The following DCLK1 variants were observed in gnomAD, a reference collection of about 807,000 sequenced individuals.
The protein encoded by DCLK1 is serine/threonine-protein kinase DCLK1.
DCLK1 carries 16 observed loss-of-function variants against 86.2 expected under a neutral mutation model. The ratio of observed to expected loss-of-function variants is 0.19; its 90% CI spans 0.13 to 0.28. The LOEUF (loss-of-function observed/expected upper bound fraction) is 0.28, where lower values mean the gene tolerates loss of function less well. Among genes scored for constraint, DCLK1 ranks in the 10% least tolerant of loss-of-function variants. The probability of loss-of-function intolerance (pLI) is 1.00; values close to 1 mark genes in which losing one functional copy is unlikely to be tolerated. For missense variants in DCLK1, 590 were observed against 940.2 expected, an observed-to-expected ratio of 0.63 and a Z score of 4.87; for synonymous variants, 369 against 370.5, an observed-to-expected ratio of 1.00 and a Z score of 0.05.
chr13:35,940,220 C>CA (rs35918536), intron 4 of DCLK1, among the ~76,000 whole-genome samples: 45,300 of 97,702 alleles, frequency 0.46, 9,939 homozygotes, highest in African/African-American at 0.65. Flanking sequence ...GAGTCTGTCT[C>CA]AAAAAAAAAA....
chr13:35,776,717 G>A (rs1023313656), intron 16 of DCLK1, among the ~76,000 whole-genome samples: 2 of 152,196 alleles, frequency 1.3e-5, no homozygotes, highest in Non-Finnish European at 2.9e-5. Flanking sequence ...TTAAAATCAA[G>A]TAACTGCAGG....
chr13:35,910,285 T>C (rs1874936866), intron 4 of DCLK1, among the ~76,000 whole-genome samples: 1 of 152,214 alleles, frequency 6.6e-6, no homozygotes, highest in Admixed American at 6.5e-5. Flanking sequence ...GAGGAGACAT[T>C]GTTACATCTT....
At chr13:35,825,806 G>A (rs926405908) in intron 10 of DCLK1, among the ~76,000 whole-genome samples, 1 of 125,192 alleles carries the variant, frequency 8.0e-6, no homozygotes, top group Non-Finnish European at 1.7e-5. Flanking sequence ...AAATGAAATC[G>A]ACTTTTCTTT....
chr13:36,030,645 C>G (rs1882232997), intron 3 of DCLK1, among the ~76,000 whole-genome samples: 1 of 151,908 alleles, frequency 6.6e-6, no homozygotes, highest in African/African-American at 2.4e-5. Flanking sequence ...TAGTACTTGA[C>G]CATTAGGGAA....
intron 3 of DCLK1, among the ~76,000 whole-genome samples, chr13:36,014,725 G>C (rs1210605004): frequency 6.6e-6 from 1 of 152,146 alleles, no homozygotes; most frequent in African/African-American, 2.4e-5. Flanking sequence ...GAACAAACAT[G>C]ATTGAGAAAA....
chr13:35,799,122 G>C lies in DCLK1; in HGVS notation c.1945-5643C>G, dbSNP rs192007381. Among the ~76,000 whole-genome samples, 848 of 152,282 alleles carry C rather than the reference G, an allele frequency of 5.6e-3. 12 individuals are homozygous for C. Among genetic ancestry groups the C allele is most frequent in the South Asian group, 0.018 (85 of 4,826 alleles). The stretch of plus-strand genomic sequence containing the variant: ...ACTTCATTTCATGTTATAATCATCT[G>C]TGAGCTTTTAAAAGTCCTGATGCCA... On this transcript the variant is annotated intron_variant, in intron 15 of 16. Coordinates refer to ENST00000360631, the MANE Select transcript of DCLK1 (RefSeq NM_001330071.2).
intron 16 of DCLK1, among the ~76,000 whole-genome samples, chr13:35,784,852 G>A (rs1439908527): frequency 6.6e-6 from 1 of 152,028 alleles, no homozygotes; most frequent in East Asian, 1.9e-4. Flanking sequence ...TGGCCGAGGC[G>A]GGCCCTACAT....
rs1254780339 is a variant in DCLK1 at position 35,769,407 on chromosome 13, TTAA to T, written c.*5125_*5127del. The T allele has an allele frequency of 2.0e-5, 3 of 152,202 alleles. No individual in the cohort carries two copies. Among genetic ancestry groups the T allele is most frequent in the Non-Finnish European group, 4.4e-5 (3 of 68,032 alleles). 9.4% of individuals were successfully genotyped at this position (152,202 alleles called of 1,614,324 possible). A position where few individuals can be genotyped will look rare whatever the true frequency, so the allele number is the denominator to read the frequency against. ...TTGAATTTCACACTCAACTAATCCT[TTAA>T]TAATTTTCTTTCAGCCAGAATGAAA... On this transcript the variant is annotated 3_prime_UTR_variant, in exon 17 of 17. Transcript: ENST00000360631.
chr13:35,962,011 TAG>T (rs1878487397), intron 3 of DCLK1, among the ~76,000 whole-genome samples: 1 of 152,228 alleles, frequency 6.6e-6, no homozygotes, highest in Non-Finnish European at 1.5e-5. Context: ...AAATTATTTG[TAG>T]TGTTATACTG....
intron 11 of DCLK1, among the ~76,000 whole-genome samples, chr13:35,821,623 T>A (rs563718124): frequency 6.6e-6 from 1 of 151,140 alleles, no homozygotes; most frequent in Non-Finnish European, 1.5e-5. Context: ...GGGTGGATAA[T>A]GAAAGGAAGA....
intron 11 of DCLK1, among the ~76,000 whole-genome samples, chr13:35,811,482 T>C (rs1373416901): frequency 2.0e-5 from 3 of 152,178 alleles, no homozygotes; most frequent in Non-Finnish European, 2.9e-5. Flanking sequence ...AAATGAAGTA[T>C]AGAAAGTCCC....
At chr13:35,981,742 G>A (rs964642787) in intron 3 of DCLK1, among the ~76,000 whole-genome samples, 2 of 152,188 alleles carry the variant, frequency 1.3e-5, no homozygotes, top group Non-Finnish European at 2.9e-5. Context: ...GAATAATGCT[G>A]CCATGAACAT....
At chr13:35,822,606 G>T in intron 11 of DCLK1, 123 bp downstream of exon 11, 1 of 1,404,064 alleles carries the variant, frequency 7.1e-7, no homozygotes, top group South Asian at 1.3e-5. Flanking sequence ...GCTCCTGAAG[G>T]CTAACTGGAA....
intron 4 of DCLK1, among the ~76,000 whole-genome samples, chr13:35,943,876 G>A (rs2153132434): frequency 6.6e-6 from 1 of 152,226 alleles, no homozygotes; most frequent in South Asian, 2.1e-4. Context: ...CATTTTCCCT[G>A]CCTCTGTTTC....
chr13:35,876,906 G>A (rs1872624019), intron 4 of DCLK1, among the ~76,000 whole-genome samples: 1 of 152,154 alleles, frequency 6.6e-6, no homozygotes, highest in Non-Finnish European at 1.5e-5. Context: ...AAGGACTGTA[G>A]GTAAGCCACT....
chr13:35,877,799 T>A (rs1539548), intron 4 of DCLK1, among the ~76,000 whole-genome samples: 108,491 of 152,168 alleles, frequency 0.71, 38,887 homozygotes, highest in Non-Finnish European at 0.75. Context: ...AGCCTGTAAA[T>A]GGAATAATAT....
At chr13:35,998,169 G>T (rs1474852367) in intron 3 of DCLK1, among the ~76,000 whole-genome samples, 3 of 152,100 alleles carry the variant, frequency 2.0e-5, no homozygotes, top group Non-Finnish European at 4.4e-5. Context: ...GTATAAGAAA[G>T]TGTAGGAGTC....
At chr13:36,022,882 T>A (rs1881844602) in intron 3 of DCLK1, among the ~76,000 whole-genome samples, 1 of 152,160 alleles carries the variant, frequency 6.6e-6, no homozygotes, top group Non-Finnish European at 1.5e-5. Context: ...GAAATAAAAC[T>A]TTCCAATTCA....
At chr13:35,986,761 A>G (rs1001593537) in intron 3 of DCLK1, among the ~76,000 whole-genome samples, 2 of 152,206 alleles carry the variant, frequency 1.3e-5, no homozygotes, top group Admixed American at 6.5e-5. Flanking sequence ...TGGTCTTCTC[A>G]GGCAGATCCA....
Sources: gnomAD v4.1 joint callset for allele counts (sites outside exome capture counted in the v4.1 genomes callset) on GRCh38, gnomAD v4.1.1 for gene constraint, MANE v1.5 for transcripts, NCBI Gene and HGNC (gene_info 2026-07-23, HGNC 2026-07-21) for gene names.